Variants in UBA6 observed in about 807,000 individuals in gnomAD.
The protein encoded by UBA6 is ubiquitin like modifier activating enzyme 6, also known as ubiquitin-like modifier-activating enzyme 6.
In UBA6, 87 loss-of-function variants were observed where a neutral mutation model predicts 148.3. That is an observed-to-expected ratio of 0.59 (90% CI 0.49 to 0.70). The LOEUF (loss-of-function observed/expected upper bound fraction) is 0.70. UBA6 is among the 30% of genes least tolerant of loss of function. UBA6 has a pLI of 0.00. For missense variants in UBA6, 1,186 were observed against 1,241.2 expected (o/e 0.96, Z 0.67); for synonymous variants, 376 against 401.0 (o/e 0.94, Z 0.75).
At chr4:67,642,412 G>C (rs963957109) in intron 17 of UBA6, among the ~76,000 whole-genome samples, 1 of 151,946 alleles carries the variant, frequency 6.6e-6, no homozygotes, top group Non-Finnish European at 1.5e-5. Flanking sequence ...CATGAGATCA[G>C]TTACACTTAA....
chr4:67,682,339 C>T, intron 2 of UBA6, 126 bp from the exon 3 acceptor site: 1 of 668,836 alleles, frequency 1.5e-6, no homozygotes, highest in Non-Finnish European at 2.6e-6. Flanking sequence ...GAATGATTTG[C>T]ACAGTGTTTA....
intron 19 of UBA6, among the ~76,000 whole-genome samples, chr4:67,635,960 T>C (rs1006117606): frequency 6.6e-6 from 1 of 152,212 alleles, no homozygotes; most frequent in Non-Finnish European, 1.5e-5. Context: ...CTACAAATTT[T>C]TATTTTTTAA....
intron 32 of UBA6, among the ~76,000 whole-genome samples, chr4:67,620,384 A>T (rs996824769): frequency 3.9e-5 from 6 of 152,196 alleles, no homozygotes; most frequent in African/African-American, 1.4e-4. Context: ...CCTGAACTAG[A>T]GGTCTGAGTT....
At chr4:67,694,600 T>G (rs1377147480) in intron 2 of UBA6, among the ~76,000 whole-genome samples, 1 of 152,094 alleles carries the variant, frequency 6.6e-6, no homozygotes, top group African/African-American at 2.4e-5. Flanking sequence ...GGTTTCACTG[T>G]GTTAGCCAGG....
At position 67,649,107 on chromosome 4, in the gene UBA6, CA is replaced by C; in HGVS notation, c.1208del (p.Leu403Ter). 1 of 1,614,022 alleles carries C rather than the reference CA, an allele frequency of 6.2e-7. No homozygotes were observed. Among genetic ancestry groups the C allele is most frequent in the Non-Finnish European group, 8.5e-7 (1 of 1,179,944 alleles). On this transcript the variant is annotated frameshift_variant, in exon 14 of 33. Coordinates refer to ENST00000322244, the MANE Select transcript of UBA6 (RefSeq NM_018227.6). LOFTEE classifies it high-confidence loss of function. ...GAGAAAATTTTCCTGTTACAGCTTT[CA>C]ATACTTCTTGGCTGGCAACACCTCC... ...AVGGVASQEV[L>X]KAVTGKFSPL...
chr4:67,662,797 C>A, intron 12 of UBA6: 1 of 184,570 alleles, frequency 5.4e-6, no homozygotes, highest in Non-Finnish European at 1.1e-5. Context: ...AAGCAAAAAC[C>A]TTCTCCAACA....
Position 67,619,952 on chromosome 4 carries a change from A to T in UBA6, c.3024-820T>A, listed in dbSNP as rs111389609. ...ACTGCTCCTAGAATTCTCTTAAAAT[A>T]TAAATTTGATGTATTCTCCTGCCTA... is the stretch of plus-strand genomic sequence containing the variant. On this transcript the variant is annotated intron_variant, in intron 32 of 32. Coordinates refer to ENST00000322244, the MANE Select transcript of UBA6 (RefSeq NM_018227.6). 3.3e-5 allele frequency among the ~76,000 whole-genome samples: 5 copies of T among 152,318 alleles called. 2 individuals carry two copies. Among genetic ancestry groups the T allele is most frequent in the African/African-American group, 1.2e-4 (5 of 41,576 alleles).
chr4:67,690,287 A>T (rs1730664963), intron 2 of UBA6, among the ~76,000 whole-genome samples: 1 of 152,140 alleles, frequency 6.6e-6, no homozygotes. Context: ...CCCTTATACC[A>T]TACAAAATAA....
At position 67,629,136 on chromosome 4, in the gene UBA6, A is replaced by AT; in HGVS notation, c.2334dup (p.Ser779IlefsTer22). 1 of 1,606,196 alleles carries AT rather than the reference A, an allele frequency of 6.2e-7. No homozygotes were observed. Among genetic ancestry groups the AT allele is most frequent in the Non-Finnish European group, 8.5e-7 (1 of 1,173,958 alleles). On this transcript the variant is annotated frameshift_variant, in exon 27 of 33. Transcript: ENST00000322244. LOFTEE classifies it high-confidence loss of function. ...AGAATATTCAAGAGGGCATCTGCTG[A>AT]TAAGTCCTGTTTTTAAAAAAGTAAT... is the stretch of plus-strand genomic sequence containing the variant.
In UBA6 at chr4:67,629,157, G is replaced by A; in HGVS notation, c.2329-15C>T. The A allele has an allele frequency of 1.3e-6, 2 of 1,547,696 alleles. No individual in the cohort carries two copies. Among genetic ancestry groups the A allele is most frequent in the Non-Finnish European group, 1.8e-6 (2 of 1,122,404 alleles). ...GCTGATAAGTCCTGTTTTTAAAAAA[G>A]TAATTTTACCAACAAACATATTCTT... On this transcript the variant is annotated splice_polypyrimidine_tract_variant and intron_variant, in intron 26 of 32. Coordinates refer to ENST00000322244, the MANE Select transcript of UBA6 (RefSeq NM_018227.6).
chr4:67,661,364 G>A (rs1387274392), intron 13 of UBA6, among the ~76,000 whole-genome samples: 2 of 152,132 alleles, frequency 1.3e-5, no homozygotes, highest in Non-Finnish European at 2.9e-5. Flanking sequence ...GGTAATCAGT[G>A]AGTGATAGTG....
chr4:67,637,584 T>C (rs1220105423), intron 19 of UBA6, among the ~76,000 whole-genome samples: 1 of 148,976 alleles, frequency 6.7e-6, no homozygotes, highest in Non-Finnish European at 1.5e-5. Context: ...TTTTGTTCTG[T>C]ACTAAGAAAA....
At chr4:67,626,564 G>C (rs1292607839) in intron 27 of UBA6, 87 bp from the exon 28 acceptor site, 1 of 814,092 alleles carries the variant, frequency 1.2e-6, no homozygotes, top group African/African-American at 1.7e-5. Flanking sequence ...AAATTACAAA[G>C]AGAAAATATT....
rs1011329065 is a variant in UBA6, at chr4:67,618,097, A to T, written c.*900T>A. 3 of 148,566 alleles carry T rather than the reference A, an allele frequency of 2.0e-5. No individual in the cohort carries two copies. The highest frequency in any genetic ancestry group is 7.4e-5 in the African/African-American group (3 of 40,740). The allele number at this position is 148,566 out of a possible 1,614,324, so 9.2% of individuals were successfully genotyped here. A position where few individuals can be genotyped will look rare whatever the true frequency, so the allele number is the denominator to read the frequency against. On this transcript the variant is annotated 3_prime_UTR_variant, in exon 33 of 33. Coordinates refer to ENST00000322244, the MANE Select transcript of UBA6 (RefSeq NM_018227.6). ...AATTAGGTTTCTGGAAAAAAAAAAG[A>T]CTACCCTAGCAATAATTTTTAACAT...
At chr4:67,661,958 G>A (rs1729869356) in intron 13 of UBA6, 2 of 450,442 alleles carry the variant, frequency 4.4e-6, no homozygotes, top group Non-Finnish European at 7.8e-6. Context: ...TATGTCACAT[G>A]GCATTTCTAA....
At chr4:67,686,239 C>A (rs2109954380) in intron 2 of UBA6, among the ~76,000 whole-genome samples, 2 of 152,232 alleles carry the variant, frequency 1.3e-5, no homozygotes, top group African/African-American at 4.8e-5. Flanking sequence ...TGTCTAAATC[C>A]TTCTTTGATG....
chr4:67,632,187 C>T (rs1729014992), intron 23 of UBA6, among the ~76,000 whole-genome samples: 2 of 152,152 alleles, frequency 1.3e-5, no homozygotes, highest in South Asian at 2.1e-4. Flanking sequence ...ATGTAGATTA[C>T]TTCACTCCTT....
intron 13 of UBA6, among the ~76,000 whole-genome samples, chr4:67,657,826 C>CAAAAAAAAAAAAAAAAAAATAAAAA (rs57984969): frequency 8.7e-6 from 1 of 115,156 alleles, no homozygotes; most frequent in East Asian, 2.5e-4. Flanking sequence ...AACAAATTTA[C>CAAAAAAAAAAAAAAAAAAATAAAAA]AAAAAAAAAA....
chr4:67,664,513 A>C (rs904175544), intron 10 of UBA6, among the ~76,000 whole-genome samples: 2 of 152,082 alleles, frequency 1.3e-5, no homozygotes, highest in Non-Finnish European at 2.9e-5. Flanking sequence ...CTGGAAAAGA[A>C]AAGACAATTA....
Sources: allele counts gnomAD v4.1 joint callset (sites outside exome capture counted in the v4.1 genomes callset), GRCh38; gene constraint gnomAD v4.1.1; transcripts MANE v1.5; gene names NCBI Gene and HGNC (gene_info 2026-07-23, HGNC 2026-07-21).